The following PPFIA1 variants were observed in gnomAD, a reference collection of about 807,000 sequenced individuals.
PPFIA1 encodes liprin-alpha-1.
In PPFIA1, 25 loss-of-function variants were observed where a neutral mutation model predicts 149.9. The observed-to-expected ratio is 0.17, with a 90% CI of 0.12 to 0.23. The LOEUF is 0.23. Among genes scored for constraint, PPFIA1 ranks in the 10% least tolerant of loss-of-function variants. The pLI is 1.00. For missense variants in PPFIA1, 1,362 were observed against 1,506.5 expected, an observed-to-expected ratio of 0.90 and a Z score of 1.59; for synonymous variants, 549 against 552.8, an observed-to-expected ratio of 0.99 and a Z score of 0.10.
In PPFIA1 at chr11:70,277,060, A is replaced by ATATATATATATT; in HGVS notation, c.264+4625_264+4626insATATATATATTT. On this transcript the variant is annotated intron_variant, in intron 2 of 27. Coordinates refer to ENST00000253925, the MANE Select transcript of PPFIA1 (RefSeq NM_003626.5). ...GAGATATATATATATATATATATAT[A>ATATATATATATT]TTTTTTTTTTTCCAGGCACAGTCTC... Among the ~76,000 whole-genome samples, 48 of 66,304 alleles carry ATATATATATATT rather than the reference A, an allele frequency of 7.2e-4. 2 individuals carry two copies. Among genetic ancestry groups the ATATATATATATT allele is most frequent in the African/African-American group, 4.9e-3 (42 of 8,532 alleles). 43.5% of individuals were successfully genotyped at this position (66,304 alleles called of 152,430 possible).
chr11:70,317,065 C>G (rs1008685882), intron 2 of PPFIA1, among the ~76,000 whole-genome samples: 2 of 152,070 alleles, frequency 1.3e-5, no homozygotes, highest in East Asian at 3.9e-4. Flanking sequence ...TGCATCTATT[C>G]TATTTCAGAA....
intron 2 of PPFIA1, among the ~76,000 whole-genome samples, chr11:70,293,942 C>CTT (rs35307008): frequency 0.015 from 1,867 of 128,092 alleles, 46 homozygotes; most frequent in African/African-American, 0.029. Context: ...CTCTCTCTCT[C>CTT]TTTTTTTTTT....
At chr11:70,274,947 C>T (rs1448912946) in intron 2 of PPFIA1, among the ~76,000 whole-genome samples, 2 of 152,136 alleles carry the variant, frequency 1.3e-5, no homozygotes, top group African/African-American at 4.8e-5. Flanking sequence ...GATATGTGTA[C>T]ACTTCTGTTG....
chr11:70,364,361 G>T (rs564625717), intron 21 of PPFIA1: 2 of 152,276 alleles, frequency 1.3e-5, no homozygotes, highest in East Asian at 1.9e-4. Flanking sequence ...AACAAGAATG[G>T]TTATTGGGAG....
intron 21 of PPFIA1, among the ~76,000 whole-genome samples, chr11:70,368,790 A>G (rs2057084422): frequency 3.9e-5 from 6 of 152,216 alleles, no homozygotes. Context: ...TAATTTTGTC[A>G]TCTTCAAATA....
intron 2 of PPFIA1, among the ~76,000 whole-genome samples, chr11:70,287,478 G>A (rs2051222433): frequency 6.6e-6 from 1 of 151,674 alleles, no homozygotes; most frequent in Admixed American, 6.6e-5. Context: ...TTCTGATGCA[G>A]TGGTTTGACT....
intron 2 of PPFIA1, among the ~76,000 whole-genome samples, chr11:70,317,029 T>G (rs1158638969): frequency 6.6e-6 from 1 of 152,238 alleles, no homozygotes; most frequent in Non-Finnish European, 1.5e-5. Flanking sequence ...GATTTATATT[T>G]TAAATGAAAA....
chr11:70,319,289 A>T (rs1427893700), intron 2 of PPFIA1, among the ~76,000 whole-genome samples: 1 of 152,068 alleles, frequency 6.6e-6, no homozygotes, highest in Non-Finnish European at 1.5e-5. Context: ...CGGTGAGCCC[A>T]CCCTGGTCTG....
At chr11:70,333,329 A>G (rs764381419) in intron 9 of PPFIA1, 141 bp from the exon 10 acceptor site, 48 of 697,326 alleles carry the variant, frequency 6.9e-5, no homozygotes, top group Non-Finnish European at 1.1e-4. Context: ...GGCTGTGTTG[A>G]TGGATGAGTA....
intron 21 of PPFIA1, among the ~76,000 whole-genome samples, chr11:70,364,084 T>A (rs1452486996): frequency 5.3e-5 from 8 of 152,296 alleles, no homozygotes; most frequent in South Asian, 2.1e-4. Context: ...GGACATTTTT[T>A]AAAATAAAAA....
intron 2 of PPFIA1, among the ~76,000 whole-genome samples, chr11:70,307,789 G>A (rs550907505): frequency 6.1e-4 from 93 of 152,192 alleles, no homozygotes; most frequent in African/African-American, 2.1e-3. Flanking sequence ...AGCTGGGCAT[G>A]ATGGTGTGCA....
chr11:70,317,699 G>A (rs2053716902), intron 2 of PPFIA1, among the ~76,000 whole-genome samples: 1 of 152,138 alleles, frequency 6.6e-6, no homozygotes, highest in Admixed American at 6.5e-5. Context: ...GTGCTGGGGG[G>A]TTTGTGCATG....
At chr11:70,379,471 ATTTTT>A (rs11379174) in intron 26 of PPFIA1, among the ~76,000 whole-genome samples, 4 of 150,590 alleles carry the variant, frequency 2.7e-5, no homozygotes, top group Non-Finnish European at 5.9e-5. Flanking sequence ...AAAAAAAAAA[ATTTTT>A]TTTTAAGTGC....
At chr11:70,317,974 AG>A (rs2053731994) in intron 2 of PPFIA1, among the ~76,000 whole-genome samples, 1 of 152,140 alleles carries the variant, frequency 6.6e-6, no homozygotes, top group Non-Finnish European at 1.5e-5. Context: ...CCACCTTGTC[AG>A]GATTCTTCAT....
Position 70,348,300 on chromosome 11 carries a change from T to TC in PPFIA1, c.2049dup (p.Tyr684LeufsTer8). ...GTCGTTTTAGATCAATGAGCTCCAT[T>TC]CCCCCCTACCCTGCTTCCTCGCTTG... On this transcript the variant is annotated frameshift_variant, in exon 16 of 28. Transcript: ENST00000253925. LOFTEE classifies it high-confidence loss of function. The TC allele has an allele frequency of 1.9e-6, 3 of 1,614,068 alleles. No homozygotes were observed. Among genetic ancestry groups the TC allele is most frequent in the Non-Finnish European group, 2.5e-6 (3 of 1,180,002 alleles).
intron 2 of PPFIA1, among the ~76,000 whole-genome samples, chr11:70,281,557 G>A (rs1477824313): frequency 6.6e-6 from 1 of 152,148 alleles, no homozygotes; most frequent in East Asian, 1.9e-4. Flanking sequence ...TTTTCTCTGG[G>A]ATCTTGGCCC....
chr11:70,339,112 A>G (rs1259332576), intron 13 of PPFIA1, 59 bp from the exon 14 acceptor site: 5 of 1,598,698 alleles, frequency 3.1e-6, no homozygotes, highest in Admixed American at 1.7e-5. Flanking sequence ...TGCCTTAACT[A>G]AAAGAGAGTT....
At chr11:70,352,736 G>A (rs1466797921) in intron 16 of PPFIA1, among the ~76,000 whole-genome samples, 4 of 130,888 alleles carry the variant, frequency 3.1e-5, no homozygotes, top group South Asian at 2.3e-4. Context: ...TGCGGAGGGC[G>A]GCGTGTGGAG....
At chr11:70,317,332 G>A (rs941900510) in intron 2 of PPFIA1, among the ~76,000 whole-genome samples, 1 of 151,988 alleles carries the variant, frequency 6.6e-6, no homozygotes, top group Non-Finnish European at 1.5e-5. Context: ...GGAATGTCCC[G>A]TCTAATGTTT....
Sources: allele counts gnomAD v4.1 joint callset (sites outside exome capture counted in the v4.1 genomes callset), GRCh38; gene constraint gnomAD v4.1.1; transcripts MANE v1.5; gene names NCBI Gene and HGNC (gene_info 2026-07-23, HGNC 2026-07-21).